Variants in NSD1 observed in about 807,000 individuals in gnomAD.
The protein encoded by NSD1 is histone-lysine N-methyltransferase, H3 lysine-36 specific.
NSD1 carries 26 observed loss-of-function variants against 242.7 expected under a neutral mutation model. The observed-to-expected ratio is 0.11, with a 90% CI of 0.08 to 0.15. NSD1 has a LOEUF of 0.15. Among genes scored for constraint, NSD1 ranks in the 10% least tolerant of loss-of-function variants. NSD1 has a pLI of 1.00. For missense variants in NSD1, 2,495 were observed against 3,272.8 expected (o/e 0.76, Z 5.80); for synonymous variants, 1,106 against 1,178.1 (o/e 0.94, Z 1.25).
intron 8 of NSD1, 125 bp from the exon 9 acceptor site, chr5:177,244,070 T>C: frequency 1.3e-6 from 1 of 747,516 alleles, no homozygotes; most frequent in Non-Finnish European, 2.3e-6. Context: ...GGTTGATTTC[T>C]TTAATTGCTA....
chr5:177,170,680 T>A (rs559784988), intron 2 of NSD1, among the ~76,000 whole-genome samples: 2 of 152,294 alleles, frequency 1.3e-5, no homozygotes, highest in African/African-American at 4.8e-5. Context: ...TTTTGGAAAG[T>A]GTACGTGACT....
At chr5:177,222,601 A>G (rs1350242128) in intron 5 of NSD1, among the ~76,000 whole-genome samples, 1 of 152,100 alleles carries the variant, frequency 6.6e-6, no homozygotes, top group Non-Finnish European at 1.5e-5. Flanking sequence ...ATGATGTTCA[A>G]TATATTTTCA....
At chr5:177,183,410 T>C (rs533447231) in intron 2 of NSD1, among the ~76,000 whole-genome samples, 3 of 152,314 alleles carry the variant, frequency 2.0e-5, no homozygotes, top group Admixed American at 6.5e-5. Flanking sequence ...TGTATGGACA[T>C]GTGTTTTCAT....
At chr5:177,215,998 G>A (rs1763742986) in intron 5 of NSD1, among the ~76,000 whole-genome samples, 1 of 151,914 alleles carries the variant, frequency 6.6e-6, no homozygotes, top group South Asian at 2.1e-4. Flanking sequence ...GTAGCTGGGA[G>A]TACAGGTGCA....
upstream of NSD1, among the ~76,000 whole-genome samples, chr5:177,132,272 C>T (rs1267290739): frequency 6.6e-6 from 1 of 151,710 alleles, no homozygotes; most frequent in Non-Finnish European, 1.5e-5. The surrounding 1 kb of genome is among the most constrained non-coding windows in gnomAD (Gnocchi z 7.5). Context: ...GCGGAGCAGG[C>T]GGCCCGCTCT....
In NSD1 at chr5:177,240,202, ACT is replaced by A. The variant is rs142778014; in HGVS notation, c.4302+341_4302+342del. 0.017 allele frequency among the ~76,000 whole-genome samples: 2,529 copies of A among 151,560 alleles called. 25 individuals carry two copies. The highest frequency in any genetic ancestry group is 0.025 in the Non-Finnish European group (1,686 of 67,860). ...CTACTATCTCAAATATCACTAGTCTACTCTCCTATTGCCGTGTCGTCGTAGCC... is the reference window on the plus strand; with the variant it reads ...CTACTATCTCAAATATCACTAGTCTACTCCTATTGCCGTGTCGTCGTAGCC... On this transcript the variant is annotated intron_variant, in intron 8 of 22. Coordinates refer to ENST00000439151, the MANE Select transcript of NSD1 (RefSeq NM_022455.5).
chr5:177,196,702 CA>C, intron 3 of NSD1, among the ~76,000 whole-genome samples: 1 of 151,838 alleles, frequency 6.6e-6, no homozygotes, highest in Non-Finnish European at 1.5e-5. Flanking sequence ...TTTTTTGGGA[CA>C]AAAGATACTA....
chr5:177,219,181 C>T (rs541117968), intron 5 of NSD1, among the ~76,000 whole-genome samples: 6 of 151,586 alleles, frequency 4.0e-5, no homozygotes, highest in South Asian at 2.1e-4. Context: ...TGCTGCATCC[C>T]ATAAGTTTTG....
Position 177,299,660 on chromosome 5 carries a change from C to T in NSD1, c.*4201C>T, listed in dbSNP as rs1168864328. 1.7e-5 allele frequency: 4 copies of T among 233,286 alleles called. No homozygotes were observed. Among genetic ancestry groups the T allele is most frequent in the African/African-American group, 4.4e-5 (2 of 45,458 alleles). The allele number at this position is 233,286 out of a possible 1,614,324, so 14.5% of individuals were successfully genotyped here. ...GAAGAAGTGTTTCGAGTTTAACATG[C>T]GCTGTTTCTGCTTATGTGGTTCCTT... On this transcript the variant is annotated 3_prime_UTR_variant, in exon 23 of 23. Coordinates refer to ENST00000439151, the MANE Select transcript of NSD1 (RefSeq NM_022455.5).
intron 5 of NSD1, among the ~76,000 whole-genome samples, chr5:177,224,156 T>C (rs1668170915): frequency 6.6e-6 from 1 of 152,206 alleles, no homozygotes; most frequent in African/African-American, 2.4e-5. Context: ...GCATCTTTGG[T>C]GTTTCATATT....
At position 177,258,516 on chromosome 5, in the gene NSD1, T is replaced by TTTG. The variant is rs200177256; in HGVS notation, c.4966+1380_4966+1382dup. On this transcript the variant is annotated intron_variant, in intron 13 of 22. Transcript: ENST00000439151. ...GTTCTCTTTGGTAAAACAAGTTGTT[T>TTTG]TTGTTGTTGTTGTTGTTTGTTGTTG... 3.6e-3 allele frequency among the ~76,000 whole-genome samples: 554 copies of TTTG among 151,996 alleles called. 7 individuals carry two copies. The highest frequency in any genetic ancestry group is 0.013 in the African/African-American group (524 of 41,462).
At chr5:177,277,073 A>AG (rs1758453881) in intron 17 of NSD1, among the ~76,000 whole-genome samples, 1 of 152,036 alleles carries the variant, frequency 6.6e-6, no homozygotes. Context: ...CTACTGAGAG[A>AG]GCAGTTTCCT....
chr5:177,237,494 A>AT (rs1280244472), intron 6 of NSD1, among the ~76,000 whole-genome samples: 1 of 142,990 alleles, frequency 7.0e-6, no homozygotes, highest in Non-Finnish European at 1.6e-5. Context: ...TTTGGTTAAA[A>AT]AAATATATAT....
At chr5:177,154,258 A>G (rs549559451) in intron 2 of NSD1, among the ~76,000 whole-genome samples, 1 of 152,168 alleles carries the variant, frequency 6.6e-6, no homozygotes, top group South Asian at 2.1e-4. Context: ...TGTGTATTCT[A>G]TTGGCTGGCC....
intron 3 of NSD1, among the ~76,000 whole-genome samples, chr5:177,196,918 C>T (rs1193930071): frequency 6.6e-6 from 1 of 151,972 alleles, no homozygotes; most frequent in East Asian, 1.9e-4. Flanking sequence ...TACTGAATCC[C>T]ATATATATAA....
At chr5:177,246,821 C>A in intron 10 of NSD1, 25 bp downstream of exon 10, 1 of 1,533,988 alleles carries the variant, frequency 6.5e-7, no homozygotes, top group Non-Finnish European at 9.0e-7. Flanking sequence ...CTGATCTTTT[C>A]ACCTTCTAAA....
intron 12 of NSD1, among the ~76,000 whole-genome samples, chr5:177,254,508 T>G (rs1271312494): frequency 6.6e-6 from 1 of 152,150 alleles, no homozygotes; most frequent in African/African-American, 2.4e-5. Flanking sequence ...CAAGCGATTC[T>G]TGTGCCTCAG....
At position 177,282,677 on chromosome 5, in the gene NSD1, G is replaced by A; in HGVS notation, c.6009+96G>A. ...GTAGGCATGTAACGCAGTTCCCAAG[G>A]TAGGGTCTTTTCCCATACCCATTGG... is the stretch of plus-strand genomic sequence containing the variant. On this transcript the variant is annotated intron_variant, in intron 19 of 22. Transcript: ENST00000439151. 9 of 964,902 alleles carry A rather than the reference G, an allele frequency of 9.3e-6. No homozygotes were observed. In the Admixed American group the frequency reaches 1.2e-4, roughly 13 times the overall value. The allele number at this position is 964,902 out of a possible 1,614,324, so 59.8% of individuals were successfully genotyped here. A position where few individuals can be genotyped will look rare whatever the true frequency, so the allele number is the denominator to read the frequency against.
intron 5 of NSD1, among the ~76,000 whole-genome samples, chr5:177,230,933 G>A (rs941319578): frequency 3.9e-5 from 6 of 152,086 alleles, no homozygotes; most frequent in African/African-American, 1.4e-4. Context: ...GTGTGAGGGG[G>A]TTAGTGATGG....
Sources: gnomAD v4.1 joint callset for allele counts (sites outside exome capture counted in the v4.1 genomes callset) on GRCh38, gnomAD v4.1.1 for gene constraint, Gnocchi (gnomAD v3.1) non-coding constraint, MANE v1.5 for transcripts, NCBI Gene and HGNC (gene_info 2026-07-23, HGNC 2026-07-21) for gene names.